The following LSP1 variants were observed in gnomAD, a reference collection of about 807,000 sequenced individuals.
LSP1 encodes the protein lymphocyte specific protein 1.
LSP1 carries 32 observed loss-of-function variants against 49.3 expected under a neutral mutation model. The ratio of observed to expected loss-of-function variants is 0.65; its 90% CI spans 0.49 to 0.87. The LOEUF is 0.87. LSP1 is among the 40% of genes least tolerant of loss of function. The pLI is 0.00. For synonymous variants in LSP1, 179 were observed against 178.8 expected, an observed-to-expected ratio of 1.00 and a Z score of -0.01; for missense variants, 428 against 442.6, an observed-to-expected ratio of 0.97 and a Z score of 0.30.
intron 1 of LSP1, chr11:1,867,004 G>A (rs944424664): frequency 2.8e-5 from 36 of 1,279,240 alleles, no homozygotes; most frequent in East Asian, 2.3e-4. Context: ...CTGAAGCCGC[G>A]TGGGCCCAGG....
chr11:1,873,968 C>CAGA (rs1565079374), intron 1 of LSP1, among the ~76,000 whole-genome samples: 77 of 123,036 alleles, frequency 6.3e-4, no homozygotes, highest in Non-Finnish European at 1.0e-3. Flanking sequence ...GGGAGCCCGG[C>CAGA]GGAGGAGGGA....
At chr11:1,889,739 G>C (rs1165351776) in intron 10 of LSP1, 1 of 657,268 alleles carries the variant, frequency 1.5e-6, no homozygotes, top group Non-Finnish European at 2.8e-6. Flanking sequence ...GGACCAGGCT[G>C]TGCGGTGAGG....
chr11:1,865,561 C>T (rs1847762289), intron 1 of LSP1, among the ~76,000 whole-genome samples: 1 of 147,640 alleles, frequency 6.8e-6, no homozygotes. Flanking sequence ...GCCGGCTGCA[C>T]TGTCACCCGC....
chr11:1,871,940 G>T (rs1329663476), intron 1 of LSP1, among the ~76,000 whole-genome samples: 7 of 150,084 alleles, frequency 4.7e-5, no homozygotes, highest in African/African-American at 1.7e-4. Flanking sequence ...GTGTGTGGCG[G>T]GCAGGCCTGG....
chr11:1,869,462 C>T (rs915098277), intron 1 of LSP1, among the ~76,000 whole-genome samples: 3 of 151,634 alleles, frequency 2.0e-5, no homozygotes, highest in Non-Finnish European at 2.9e-5. Flanking sequence ...GGAGCAGAAG[C>T]GGGTGCAGGG....
chr11:1,884,138 C>A lies in LSP1; in HGVS notation c.591+114C>A. 7.0e-7 allele frequency: 1 copy of A among 1,435,762 alleles called. No individual in the cohort carries two copies. 88.9% of individuals were successfully genotyped at this position (1,435,762 alleles called of 1,614,324 possible). A position where few individuals can be genotyped will look rare whatever the true frequency, so the allele number is the denominator to read the frequency against. ...CAGGCCCAGGCCTGGCTTTTGTCTG[C>A]TATCCCCCCATTGCCCGGTGCTCAG... On this transcript the variant is annotated intron_variant, in intron 5 of 10. Coordinates refer to ENST00000311604, the MANE Select transcript of LSP1 (RefSeq NM_002339.3). The surrounding 1 kb of genome is among the most constrained non-coding windows in gnomAD (Gnocchi z 4.1).
chr11:1,872,174 G>T (rs1159781824), intron 1 of LSP1, among the ~76,000 whole-genome samples: 1 of 141,850 alleles, frequency 7.0e-6, no homozygotes, highest in Admixed American at 7.1e-5. Flanking sequence ...GTAGAGTTGG[G>T]GTCTGTCCGG....
rs181666103 is a variant in LSP1, at chr11:1,875,833, C to T, written c.54-4254C>T. Among the ~76,000 whole-genome samples, 202 of 152,336 alleles carry T rather than the reference C, an allele frequency of 1.3e-3. 4 individuals are homozygous for T. The East Asian group carries it at 0.032, about 24-fold the overall frequency. The stretch of plus-strand genomic sequence containing the variant: ...CTCCCGCTGCCCCACCTGTCACCCA[C>T]CTGCTGGCCCCGGGCTGTCTCTGCT... On this transcript the variant is annotated intron_variant, in intron 1 of 10. Transcript: ENST00000311604.
rs375747943 is a variant in LSP1 at position 1,855,697 on chromosome 11, G to T, written c.53+2500G>T. Among the ~76,000 whole-genome samples the T allele has an allele frequency of 1.8e-4, 27 of 152,340 alleles. No homozygotes were observed. In the East Asian group the frequency reaches 3.5e-3, roughly 20 times the overall value. On this transcript the variant is annotated intron_variant, in intron 1 of 10. Transcript: ENST00000311604. ...TGGACTGCGGTTCCTCCACTCGGGG[G>T]CACTCCTGTCTCGCCCCGCTGTCCA...
At chr11:1,890,659 C>T (rs998280352) in intron 10 of LSP1, 2 of 656,372 alleles carry the variant, frequency 3.0e-6, no homozygotes, top group Non-Finnish European at 5.6e-6. Flanking sequence ...CCTGTGTCTC[C>T]TGTGGTCCAA....
intron 1 of LSP1, among the ~76,000 whole-genome samples, chr11:1,856,438 C>T (rs2133053243): frequency 6.6e-6 from 1 of 152,382 alleles, no homozygotes; most frequent in Non-Finnish European, 1.5e-5. Flanking sequence ...CCTCTGCAGA[C>T]CTTCAAAGGC....
At chr11:1,864,279 G>A (rs1282422732) in intron 1 of LSP1, 4 of 984,872 alleles carry the variant, frequency 4.1e-6, no homozygotes, top group African/African-American at 1.7e-5. Context: ...AAGAACGGCC[G>A]ACGAAGGAGA....
At chr11:1,859,691 C>A (rs1355177707) in intron 1 of LSP1, among the ~76,000 whole-genome samples, 2 of 145,010 alleles carry the variant, frequency 1.4e-5, no homozygotes, top group South Asian at 4.4e-4. Context: ...CACCCAGCCT[C>A]CAGCCCCCAG....
At chr11:1,868,779 AG>A in intron 1 of LSP1, 2 of 985,830 alleles carry the variant, frequency 2.0e-6, no homozygotes, top group Non-Finnish European at 2.4e-6. Context: ...GCAGGGTGTC[AG>A]GGCCAGAGCC....
intron 1 of LSP1, among the ~76,000 whole-genome samples, chr11:1,876,017 GA>G (rs1848295802): frequency 6.6e-6 from 1 of 152,250 alleles, no homozygotes; most frequent in Non-Finnish European, 1.5e-5. Context: ...GGGCTCATGT[GA>G]GCAGTGCCCC....
At position 1,862,281 on chromosome 11, in the gene LSP1, A is replaced by G. The variant is rs140057864; in HGVS notation, c.53+9084A>G. Among the ~76,000 whole-genome samples the G allele has an allele frequency of 2.6e-5, 4 of 152,322 alleles. No individual in the cohort carries two copies. In the East Asian group the frequency reaches 7.7e-4, roughly 29 times the overall value. ...ACTCTCCCATATTGTCCCTCACAGGACATGCTCTAGTTGTAAAACCATGAA... is the reference window on the plus strand; with the variant it reads ...ACTCTCCCATATTGTCCCTCACAGGGCATGCTCTAGTTGTAAAACCATGAA... On this transcript the variant is annotated intron_variant, in intron 1 of 10. Coordinates refer to ENST00000311604, the MANE Select transcript of LSP1 (RefSeq NM_002339.3).
rs1589832543 is a variant in LSP1 at position 1,886,829 on chromosome 11, T to G, written c.815T>G (p.Val272Gly). ...STKSRWETGE[V>G]QAQSAAKTPS... The stretch of plus-strand genomic sequence containing the variant: ...AAGAGTCGGTGGGAGACGGGTGAGG[T>G]ACAGGCTCAGTCTGCGGCCAAGACT... The change falls in exon 8 of 11, where the codon GTA (valine) becomes GGA (glycine). Residue 272 changes from valine (V) to glycine (G), a missense_variant. Physicochemically the swap from Val to Gly is moderately radical, Grantham distance 109. Transcript: ENST00000311604. 2 of 1,611,492 alleles carry G rather than the reference T, an allele frequency of 1.2e-6. No homozygotes were observed. Among genetic ancestry groups the G allele is most frequent in the African/African-American group, 2.7e-5 (2 of 74,904 alleles).
intron 1 of LSP1, chr11:1,871,275 G>A: frequency 3.0e-6 from 3 of 986,792 alleles, no homozygotes; most frequent in Non-Finnish European, 3.6e-6. Flanking sequence ...CAGCAGGCAG[G>A]GCCACCCACG....
intron 1 of LSP1, among the ~76,000 whole-genome samples, chr11:1,865,902 G>A (rs1398985138): frequency 2.0e-5 from 3 of 151,978 alleles, no homozygotes; most frequent in Non-Finnish European, 2.9e-5. Flanking sequence ...CTGAGTGGGA[G>A]GCTCCTCAGG....
Sources: gnomAD v4.1 joint callset for allele counts (sites outside exome capture counted in the v4.1 genomes callset) on GRCh38, gnomAD v4.1.1 for gene constraint, Gnocchi (gnomAD v3.1) non-coding constraint, MANE v1.5 for transcripts, NCBI Gene and HGNC (gene_info 2026-07-23, HGNC 2026-07-21) for gene names.